Variants in PAN3 observed in about 807,000 individuals in gnomAD.
PAN3 encodes the protein PAN2-PAN3 deadenylation complex subunit PAN3.
In PAN3, 19 loss-of-function variants were observed where a neutral mutation model predicts 96.2. The ratio of observed to expected loss-of-function variants is 0.20; its 90% CI spans 0.14 to 0.29. PAN3 has a LOEUF of 0.29. Among genes scored for constraint, PAN3 ranks in the 10% least tolerant of loss-of-function variants. The pLI is 1.00. For missense variants in PAN3, 882 were observed against 1,108.1 expected (o/e 0.80, Z 2.90); for synonymous variants, 433 against 406.6 (o/e 1.06, Z -0.78).
chr13:28,168,845 C>T (rs935554038), intron 1 of PAN3, among the ~76,000 whole-genome samples: 6 of 151,696 alleles, frequency 4.0e-5, no homozygotes, highest in South Asian at 2.1e-4. Flanking sequence ...GGTGAAACCC[C>T]GTCTCTATTA....
intron 4 of PAN3, among the ~76,000 whole-genome samples, chr13:28,194,176 CAA>C (rs934424111): frequency 1.5e-5 from 2 of 136,950 alleles, no homozygotes. Context: ...GACACTGTCT[CAA>C]AAAAAAAAAA....
chr13:28,291,255 A>T (rs1313265951), intron 18 of PAN3, among the ~76,000 whole-genome samples: 1 of 152,212 alleles, frequency 6.6e-6, no homozygotes, highest in Non-Finnish European at 1.5e-5. Context: ...ATTATGTATC[A>T]ATTAATGAAA....
chr13:28,215,516 A>G, intron 5 of PAN3: 2 of 670,966 alleles, frequency 3.0e-6, no homozygotes, highest in South Asian at 3.5e-5. Flanking sequence ...CCACGAATGA[A>G]GGCAGTTGGC....
rs1375633336 is a variant in PAN3 at position 28,173,292 on chromosome 13, T to C, written c.431-980T>C. Among the ~76,000 whole-genome samples the C allele has an allele frequency of 2.0e-5, 3 of 152,176 alleles. No individual in the cohort carries two copies. In the East Asian group the frequency reaches 5.8e-4, roughly 29 times the overall value. ...TCGGATAATAAATAGTTCTTTTTTT[T>C]CCCATTTCACATTGTTTCAAATTTC... On this transcript the variant is annotated intron_variant, in intron 1 of 18. Transcript: ENST00000380958.
intron 6 of PAN3, among the ~76,000 whole-genome samples, chr13:28,247,308 G>A (rs1221622680): frequency 4.0e-5 from 6 of 151,714 alleles, no homozygotes; most frequent in East Asian, 1.9e-4. Context: ...TTCTATTGAG[G>A]TGTTTGAGTT....
chr13:28,209,415 G>T (rs902675731), intron 5 of PAN3, among the ~76,000 whole-genome samples: 9 of 152,142 alleles, frequency 5.9e-5, no homozygotes, highest in Non-Finnish European at 1.0e-4. Context: ...TACATAAATA[G>T]CAATTTAGTT....
chr13:28,145,350 A>T (rs564615389), intron 1 of PAN3, among the ~76,000 whole-genome samples: 48 of 152,128 alleles, frequency 3.2e-4, no homozygotes, highest in African/African-American at 1.1e-3. Flanking sequence ...TTTGAGACAG[A>T]GTCTCACTCT....
intron 5 of PAN3, among the ~76,000 whole-genome samples, chr13:28,200,972 G>A (rs77230942): frequency 0.019 from 2,927 of 152,048 alleles, 108 homozygotes; most frequent in African/African-American, 0.067. Flanking sequence ...GCCAAATCCA[G>A]CAGTTTTATT....
chr13:28,142,950 T>G (rs2137916642), intron 1 of PAN3, among the ~76,000 whole-genome samples: 1 of 152,318 alleles, frequency 6.6e-6, no homozygotes, highest in South Asian at 2.1e-4. Flanking sequence ...TGTTGGTGTT[T>G]CAGATAGTGT....
chr13:28,256,180 A>T, intron 6 of PAN3, 112 bp from the exon 7 acceptor site: 1 of 1,161,388 alleles, frequency 8.6e-7, no homozygotes, highest in Non-Finnish European at 1.2e-6. Context: ...CTTTGCACTT[A>T]CGATCCCAAA....
chr13:28,200,220 A>T (rs1878536094), intron 5 of PAN3, among the ~76,000 whole-genome samples: 1 of 152,048 alleles, frequency 6.6e-6, no homozygotes, highest in Non-Finnish European at 1.5e-5. Flanking sequence ...GAGGATGAGG[A>T]TGCATCCATA....
intron 6 of PAN3, among the ~76,000 whole-genome samples, chr13:28,225,796 C>T (rs1881937037): frequency 6.6e-6 from 1 of 152,110 alleles, no homozygotes; most frequent in Non-Finnish European, 1.5e-5. Context: ...TTATTTTATT[C>T]TTCAGACTAG....
intron 5 of PAN3, among the ~76,000 whole-genome samples, chr13:28,209,826 T>A (rs900258625): frequency 2.6e-5 from 4 of 152,046 alleles, no homozygotes; most frequent in Non-Finnish European, 5.9e-5. Flanking sequence ...CTTTTACCAC[T>A]CTGGAGTGCG....
At chr13:28,256,241 C>A (rs777365757) in intron 6 of PAN3, 51 bp from the exon 7 acceptor site, 1 of 1,557,292 alleles carries the variant, frequency 6.4e-7, no homozygotes. Context: ...CAGACTTGTT[C>A]TCTAAAACCA....
intron 17 of PAN3, among the ~76,000 whole-genome samples, chr13:28,286,691 C>A (rs540121783): frequency 6.6e-6 from 1 of 152,148 alleles, no homozygotes; most frequent in Non-Finnish European, 1.5e-5. Context: ...TTTCTGATCC[C>A]TTTGTCCTTG....
chr13:28,159,362 AAT>A, intron 1 of PAN3, among the ~76,000 whole-genome samples: 1 of 152,338 alleles, frequency 6.6e-6, no homozygotes, highest in South Asian at 2.1e-4. Flanking sequence ...CAGAAAACCA[AAT>A]ACCACATGTT....
In PAN3 at chr13:28,191,043, T is replaced by G. The variant is rs1877193689; in HGVS notation, c.691-6142T>G. ...GGATCAATAAGGGAATTTACCTTTT[T>G]TGGGGGACCACTGTGTTCATAAGGT... On this transcript the variant is annotated intron_variant, in intron 4 of 18. Coordinates refer to ENST00000380958, the MANE Select transcript of PAN3 (RefSeq NM_175854.8). Among the ~76,000 whole-genome samples the G allele has an allele frequency of 2.0e-5, 3 of 152,206 alleles. No individual in the cohort carries two copies. The South Asian group carries it at 6.2e-4, about 32-fold the overall frequency.
At chr13:28,159,014 G>A (rs560965555) in intron 1 of PAN3, among the ~76,000 whole-genome samples, 1 of 152,170 alleles carries the variant, frequency 6.6e-6, no homozygotes, top group African/African-American at 2.4e-5. Flanking sequence ...CAGAGAAAAG[G>A]GAACACTTCT....
chr13:28,150,594 G>A (rs1048484997), intron 1 of PAN3, among the ~76,000 whole-genome samples: 6 of 146,700 alleles, frequency 4.1e-5, no homozygotes, highest in Admixed American at 2.1e-4. Context: ...CCGAGATCAC[G>A]CCACTGCCCT....
Sources: allele counts gnomAD v4.1 joint callset (sites outside exome capture counted in the v4.1 genomes callset), GRCh38; gene constraint gnomAD v4.1.1; transcripts MANE v1.5; gene names NCBI Gene and HGNC (gene_info 2026-07-23, HGNC 2026-07-21).